The following MGME1 variants were observed in gnomAD, a reference collection of about 807,000 sequenced individuals.
MGME1 encodes chromosome 20 open reading frame 72.
Under a neutral mutation model 33.0 loss-of-function variants are expected in MGME1, and 22 were observed. The observed-to-expected ratio is 0.67, with a 90% confidence interval of 0.48 to 0.95. The LOEUF (loss-of-function observed/expected upper bound fraction) is 0.95. Ranked by LOEUF, MGME1 falls within the 40% of genes least tolerant of loss-of-function variation. The pLI is 0.00. For synonymous variants in MGME1, 133 were observed against 144.0 expected, an observed-to-expected ratio of 0.92 and a Z score of 0.55; for missense variants, 383 against 397.8, an observed-to-expected ratio of 0.96 and a Z score of 0.32.
At chr20:17,981,094 CT>C (rs2036006669) in intron 3 of MGME1, among the ~76,000 whole-genome samples, 3 of 152,004 alleles carry the variant, frequency 2.0e-5, no homozygotes, top group Admixed American at 1.3e-4. Flanking sequence ...TTGTTCTTTT[CT>C]TTTTTTAATG....
At chr20:17,984,137 A>G (rs1271720423) in intron 3 of MGME1, among the ~76,000 whole-genome samples, 1 of 152,160 alleles carries the variant, frequency 6.6e-6, no homozygotes, top group Non-Finnish European at 1.5e-5. Context: ...GTCGATACCC[A>G]GTTTTCCTAA....
intron 2 of MGME1, among the ~76,000 whole-genome samples, chr20:17,974,011 A>T (rs1398297589): frequency 1.4e-5 from 2 of 147,980 alleles, no homozygotes; most frequent in Non-Finnish European, 3.0e-5. Flanking sequence ...CTCTCCTCTT[A>T]CTAAGAAACA....
intron 3 of MGME1, among the ~76,000 whole-genome samples, chr20:17,982,025 C>T (rs2036036097): frequency 1.3e-5 from 2 of 152,190 alleles, no homozygotes; most frequent in African/African-American, 4.8e-5. Flanking sequence ...ATTGGGAACA[C>T]TCAGATTATT....
chr20:17,989,356 A>AG (rs1326925552), intron 4 of MGME1, among the ~76,000 whole-genome samples: 1 of 151,848 alleles, frequency 6.6e-6, no homozygotes, highest in Non-Finnish European at 1.5e-5. Flanking sequence ...ACTGCACTCC[A>AG]GCCTGGGCAA....
rs928769523 is a variant in MGME1, at chr20:17,990,416, G to C, written c.*307G>C. ...GTACTCCCTTGAGGGACATTGGGGG[G>C]GGGGGGGCGTGGTCCCAGGCAGGAT... On this transcript the variant is annotated 3_prime_UTR_variant, in exon 5 of 5. Coordinates refer to ENST00000377710, the MANE Select transcript of MGME1 (RefSeq NM_052865.4). 7 of 346,032 alleles carry C rather than the reference G, an allele frequency of 2.0e-5. 1 individual carries two copies. The East Asian group carries it at 4.0e-4, about 20-fold the overall frequency. The allele number at this position is 346,032 out of a possible 1,614,324, so 21.4% of individuals were successfully genotyped here.
In MGME1 at chr20:17,989,948, G is replaced by A; in HGVS notation, c.874G>A (p.Gly292Ser). 1.2e-6 allele frequency: 2 copies of A among 1,613,958 alleles called. No individual in the cohort carries two copies. The highest frequency in any genetic ancestry group is 1.7e-6 in the Non-Finnish European group (2 of 1,179,984). The change falls in exon 5 of 5, where the codon GGC (glycine) becomes AGC (serine). Residue 292 changes from glycine to serine, a missense_variant. Transcript: ENST00000377710. ...CTGTGTTTCTTCCTAGGTTCAATGTGGCTTAATTGTGGTGGCCTACAAAGA... is the reference window on the plus strand; with the variant it reads ...CTGTGTTTCTTCCTAGGTTCAATGTAGCTTAATTGTGGTGGCCTACAAAGA... ...DTNYSFQVQC[G>S]LIVVAYKDGS...
At chr20:17,989,892 C>G (rs2036249007) in intron 4 of MGME1, 47 bp from the exon 5 acceptor site, 2 of 1,580,420 alleles carry the variant, frequency 1.3e-6, no homozygotes, top group Non-Finnish European at 1.7e-6. Flanking sequence ...AACCTAAACT[C>G]TGGACCTACT....
At chr20:17,971,686 G>A (rs1210377822) in intron 2 of MGME1, among the ~76,000 whole-genome samples, 3 of 152,018 alleles carry the variant, frequency 2.0e-5, no homozygotes, top group Non-Finnish European at 4.4e-5. Context: ...CAGGCAGAGA[G>A]AAGACTGGTT....
intron 3 of MGME1, among the ~76,000 whole-genome samples, chr20:17,980,563 A>G (rs550752038): frequency 6.6e-6 from 1 of 151,940 alleles, no homozygotes; most frequent in African/African-American, 2.4e-5. Context: ...TAATCCCAGT[A>G]CTTTGGGAGG....
chr20:17,975,648 T>C (rs1568608761), intron 2 of MGME1, 36 bp from the exon 3 acceptor site: 2 of 1,493,900 alleles, frequency 1.3e-6, no homozygotes, highest in Non-Finnish European at 1.9e-6. Context: ...TTTGTTTGTG[T>C]TTCCCCCCTC....
chr20:17,969,581 G>C (rs563103144), intron 1 of MGME1, among the ~76,000 whole-genome samples: 2 of 152,302 alleles, frequency 1.3e-5, no homozygotes, highest in African/African-American at 4.8e-5. Context: ...AAACTGGGAC[G>C]TCTTGCCTCA....
intron 3 of MGME1, 37 bp from the exon 4 acceptor site, chr20:17,988,129 C>A (rs748807451): frequency 7.0e-6 from 11 of 1,581,302 alleles, no homozygotes; most frequent in East Asian, 2.3e-5. Flanking sequence ...TCATTGTGAT[C>A]TATTACCTAC....
At chr20:17,977,233 A>T (rs1174874899) in intron 3 of MGME1, among the ~76,000 whole-genome samples, 1 of 151,910 alleles carries the variant, frequency 6.6e-6, no homozygotes, top group Non-Finnish European at 1.5e-5. Flanking sequence ...AAAATTAGCC[A>T]GGCGCAGTGG....
At chr20:17,989,075 C>T (rs1301875960) in intron 4 of MGME1, among the ~76,000 whole-genome samples, 1 of 151,184 alleles carries the variant, frequency 6.6e-6, no homozygotes, top group Non-Finnish European at 1.5e-5. Flanking sequence ...GCCGACAGAG[C>T]AAAACCCTGT....
intron 3 of MGME1, among the ~76,000 whole-genome samples, chr20:17,983,856 G>C (rs531369550): frequency 6.6e-6 from 1 of 152,270 alleles, no homozygotes; most frequent in Non-Finnish European, 1.5e-5. Flanking sequence ...CCCCTTATCA[G>C]ATAGGTGGTT....
In MGME1 at chr20:17,990,392, T is replaced by C; in HGVS notation, c.*283T>C. 4.0e-6 allele frequency: 1 copy of C among 251,816 alleles called. No homozygotes were observed. The highest frequency in any genetic ancestry group is 3.6e-5 in the South Asian group (1 of 27,808). 15.6% of individuals were successfully genotyped at this position (251,816 alleles called of 1,614,324 possible). On this transcript the variant is annotated 3_prime_UTR_variant, in exon 5 of 5. Transcript: ENST00000377710. ...TGGGCAGTCATGCTGGTGACTCTTG[T>C]ACTCCCTTGAGGGACATTGGGGGGG...
At chr20:17,987,249 T>C (rs1568616818) in intron 3 of MGME1, among the ~76,000 whole-genome samples, 3 of 151,456 alleles carry the variant, frequency 2.0e-5, no homozygotes, top group Admixed American at 1.3e-4. Context: ...ACACAGATTG[T>C]CAAACTTGGC....
chr20:17,980,198 G>A (rs2035974516), intron 3 of MGME1, among the ~76,000 whole-genome samples: 1 of 151,810 alleles, frequency 6.6e-6, no homozygotes, highest in Non-Finnish European at 1.5e-5. Flanking sequence ...GCTCATTTTT[G>A]TATTTTTCAT....
intron 3 of MGME1, among the ~76,000 whole-genome samples, chr20:17,986,211 G>A (rs534495557): frequency 1.3e-5 from 2 of 152,192 alleles, no homozygotes; most frequent in East Asian, 1.9e-4. Context: ...TGGGATTACA[G>A]GGGCACATCA....
Sources: gnomAD v4.1 joint callset for allele counts (sites outside exome capture counted in the v4.1 genomes callset) on GRCh38, gnomAD v4.1.1 for gene constraint, MANE v1.5 for transcripts, NCBI Gene and HGNC (gene_info 2026-07-23, HGNC 2026-07-21) for gene names.